PTPRJ: variants seen among roughly 807,000 people sequenced by gnomAD.
PTPRJ encodes the protein receptor-type tyrosine-protein phosphatase eta.
Under a neutral mutation model 141.3 loss-of-function variants are expected in PTPRJ, and 129 were observed. The observed-to-expected ratio is 0.91, with a 90% CI of 0.79 to 1.06. PTPRJ has a LOEUF of 1.06. Ranked by LOEUF, PTPRJ falls within the 50% of genes least tolerant of loss-of-function variation. The pLI is 0.00. For synonymous variants in PTPRJ, 610 were observed against 640.5 expected, an observed-to-expected ratio of 0.95 and a Z score of 0.72; for missense variants, 1,601 against 1,679.7, an observed-to-expected ratio of 0.95 and a Z score of 0.82.
At chr11:48,134,283 A>G (rs1857039551) in intron 8 of PTPRJ, among the ~76,000 whole-genome samples, 1 of 152,172 alleles carries the variant, frequency 6.6e-6, no homozygotes, top group African/African-American at 2.4e-5. Flanking sequence ...CTATACCACA[A>G]CTTTCCCCTA....
intron 1 of PTPRJ, among the ~76,000 whole-genome samples, chr11:48,062,372 G>T (rs987819268): frequency 2.6e-5 from 4 of 152,232 alleles, no homozygotes; most frequent in Non-Finnish European, 4.4e-5. Context: ...AATTAGCTGG[G>T]CGTAGTGGCG....
chr11:48,004,556 C>G (rs983743647), intron 1 of PTPRJ, among the ~76,000 whole-genome samples: 1 of 152,150 alleles, frequency 6.6e-6, no homozygotes, highest in African/African-American at 2.4e-5. Context: ...AGTTTCAAGT[C>G]ATAGGCAGTG....
rs140887405 is a variant in PTPRJ at position 48,023,911 on chromosome 11, T to C, written c.96+42903T>C. Among the ~76,000 whole-genome samples, 1,171 of 152,196 alleles carry C rather than the reference T, an allele frequency of 7.7e-3. 13 individuals carry two copies. The highest frequency in any genetic ancestry group is 0.014 in the Middle Eastern group (4 of 294). ...TTTTGGTCAAAACCAGAATTTTGAT[T>C]ATGTGTGCCATCCTAGGCTACCTCA... On this transcript the variant is annotated intron_variant, in intron 1 of 24. Transcript: ENST00000418331.
intron 3 of PTPRJ, among the ~76,000 whole-genome samples, chr11:48,115,725 A>G (rs1185481414): frequency 6.6e-6 from 1 of 152,234 alleles, no homozygotes. Flanking sequence ...AATAACTACA[A>G]TAACTTGCAG....
At position 48,155,862 on chromosome 11, in the gene PTPRJ, C is replaced by T. The variant is rs1178262380; in HGVS notation, c.3291C>T (p.Ala1097=). The T allele has an allele frequency of 5.6e-6, 9 of 1,604,892 alleles. No individual in the cohort carries two copies. The highest frequency in any genetic ancestry group is 7.7e-6 in the Non-Finnish European group (9 of 1,171,708). Residue 1097 remains alanine, a synonymous_variant, in exon 20 of 25, where the codon GCC becomes GCT. Coordinates refer to ENST00000418331, the MANE Select transcript of PTPRJ (RefSeq NM_002843.4). ...ATTCAACGGATGACTACATCAATGC[C>T]AACTACATGCCTGTAAGTTGGGGGA... ...QTHSTDDYIN[A]NYMPGYHSKK... is the part of the protein sequence containing the mutation.
chr11:48,115,329 G>A (rs74866963), intron 3 of PTPRJ, among the ~76,000 whole-genome samples: 1 of 152,262 alleles, frequency 6.6e-6, no homozygotes, highest in African/African-American at 2.4e-5. Context: ...ACATGTAAGG[G>A]AGCTCCACTT....
At chr11:47,990,502 A>C (rs1854161799) in intron 1 of PTPRJ, among the ~76,000 whole-genome samples, 1 of 151,948 alleles carries the variant, frequency 6.6e-6, no homozygotes, top group South Asian at 2.1e-4. Flanking sequence ...GGTTCACTGC[A>C]ACCTTTGCCT....
intron 1 of PTPRJ, among the ~76,000 whole-genome samples, chr11:48,035,042 C>T (rs565737478): frequency 6.6e-5 from 10 of 152,212 alleles, no homozygotes; most frequent in Non-Finnish European, 1.2e-4. Flanking sequence ...GCTTCCGAAT[C>T]CTGCTATTTC....
intron 3 of PTPRJ, among the ~76,000 whole-genome samples, chr11:48,118,298 T>C (rs1018749703): frequency 1.3e-5 from 2 of 152,212 alleles, no homozygotes; most frequent in African/African-American, 4.8e-5. Flanking sequence ...TTGCCCAGGC[T>C]GCTCTTGAAC....
At chr11:47,999,274 AC>A (rs1854427836) in intron 1 of PTPRJ, among the ~76,000 whole-genome samples, 1 of 152,194 alleles carries the variant, frequency 6.6e-6, no homozygotes, top group East Asian at 1.9e-4. Flanking sequence ...GCAGCTGAGG[AC>A]ACTGAGGCCC....
At chr11:48,054,696 T>C (rs1174522762) in intron 1 of PTPRJ, among the ~76,000 whole-genome samples, 2 of 152,164 alleles carry the variant, frequency 1.3e-5, no homozygotes, top group Admixed American at 6.5e-5. Flanking sequence ...TGAAAAAAAG[T>C]TGAGCATGAG....
chr11:48,059,934 T>C (rs2134258796), intron 1 of PTPRJ, among the ~76,000 whole-genome samples: 1 of 152,318 alleles, frequency 6.6e-6, no homozygotes, highest in Admixed American at 6.5e-5. Context: ...CATTAAGGAA[T>C]CATCATAACC....
At chr11:47,985,102 C>T (rs993923055) in intron 1 of PTPRJ, among the ~76,000 whole-genome samples, 21 of 145,872 alleles carry the variant, frequency 1.4e-4, no homozygotes, top group Admixed American at 3.4e-4. Context: ...CTGCCCACCT[C>T]GGCCTCCCAA....
At chr11:47,990,829 C>T (rs1309008600) in intron 1 of PTPRJ, among the ~76,000 whole-genome samples, 1 of 151,966 alleles carries the variant, frequency 6.6e-6, no homozygotes, top group Non-Finnish European at 1.5e-5. Context: ...TAGGCGCCCG[C>T]CACTATGCCT....
At chr11:48,115,987 C>T (rs1481611504) in intron 3 of PTPRJ, among the ~76,000 whole-genome samples, 1 of 152,060 alleles carries the variant, frequency 6.6e-6, no homozygotes, top group Non-Finnish European at 1.5e-5. Context: ...CACTTAACCT[C>T]AAAGGAAGAT....
rs574426609 is a variant in PTPRJ, at chr11:48,145,558, G to GTTT, written c.2911+450_2911+452dup. 1.2e-3 allele frequency among the ~76,000 whole-genome samples: 143 copies of GTTT among 117,468 alleles called. 10 individuals are homozygous for GTTT. The highest frequency in any genetic ancestry group is 5.3e-3 in the East Asian group (21 of 3,966). The allele number at this position is 117,468 out of a possible 152,430, so 77.1% of individuals were successfully genotyped here. A position where few individuals can be genotyped will look rare whatever the true frequency, so the allele number is the denominator to read the frequency against. On this transcript the variant is annotated intron_variant, in intron 14 of 24. Coordinates refer to ENST00000418331, the MANE Select transcript of PTPRJ (RefSeq NM_002843.4). ...TATTGATTTGTTTATTTTATTTTAT[G>GTTT]TTTTTTTTTTTTTTTTTTCAGACAG...
intron 1 of PTPRJ, among the ~76,000 whole-genome samples, chr11:48,083,501 T>C (rs1855621241): frequency 1.3e-5 from 2 of 152,266 alleles, no homozygotes. Flanking sequence ...AATCTCAGGC[T>C]TGCTGAATAA....
intron 1 of PTPRJ, among the ~76,000 whole-genome samples, chr11:48,051,912 T>C (rs1456524284): frequency 6.6e-6 from 1 of 152,232 alleles, no homozygotes; most frequent in Non-Finnish European, 1.5e-5. Flanking sequence ...ATGATAGTCA[T>C]ATCTGAATGT....
At chr11:48,111,075 G>A (rs1382241828) in intron 2 of PTPRJ, among the ~76,000 whole-genome samples, 4 of 151,924 alleles carry the variant, frequency 2.6e-5, no homozygotes, top group Admixed American at 2.6e-4. Context: ...TCAGGAGTTC[G>A]AGAACAGCTT....
Sources: gnomAD v4.1 joint callset for allele counts (sites outside exome capture counted in the v4.1 genomes callset) on GRCh38, gnomAD v4.1.1 for gene constraint, MANE v1.5 for transcripts, NCBI Gene and HGNC (gene_info 2026-07-23, HGNC 2026-07-21) for gene names.